Variants in DLG2 observed in about 807,000 individuals in gnomAD.
DLG2 encodes the protein discs large MAGUK scaffold protein 2.
DLG2 carries 45 observed loss-of-function variants against 132.5 expected under a neutral mutation model. The observed-to-expected ratio is 0.34, with a 90% confidence interval of 0.27 to 0.44. The LOEUF (loss-of-function observed/expected upper bound fraction) is 0.44, where lower values mean the gene tolerates loss of function less well. Among genes scored for constraint, DLG2 ranks in the 20% least tolerant of loss-of-function variants. The pLI, the probability that DLG2 is intolerant of heterozygous loss-of-function variation, is 1.00. For missense variants in DLG2, 1,045 were observed against 1,196.9 expected (o/e 0.87, Z 1.87); for synonymous variants, 424 against 419.6 (o/e 1.01, Z -0.13).
intron 6 of DLG2, among the ~76,000 whole-genome samples, chr11:84,714,526 C>CCTCTCTTTCTTTCTCTTTCTCTTT (rs1565747415): frequency 7.5e-6 from 1 of 133,692 alleles, no homozygotes; most frequent in African/African-American, 3.4e-5. Flanking sequence ...CAACCCATTT[C>CCTCTCTTTCTTTCTCTTTCTCTTT]CTCTTTCTCT....
intron 3 of DLG2, among the ~76,000 whole-genome samples, chr11:85,596,575 T>C (rs569822849): frequency 1.3e-5 from 2 of 152,124 alleles, no homozygotes; most frequent in Non-Finnish European, 2.9e-5. Flanking sequence ...AGGTACTATT[T>C]CAATGTGTTG....
intron 6 of DLG2, among the ~76,000 whole-genome samples, chr11:84,658,237 A>G (rs1290011526): frequency 6.6e-6 from 1 of 152,136 alleles, no homozygotes; most frequent in African/African-American, 2.4e-5. Flanking sequence ...GACCAGATAG[A>G]AGGATCGTGG....
At chr11:83,561,076 G>T (rs1020973441) in intron 19 of DLG2, among the ~76,000 whole-genome samples, 5 of 152,176 alleles carry the variant, frequency 3.3e-5, no homozygotes, top group African/African-American at 1.2e-4. Flanking sequence ...AGGCGTTGGG[G>T]AAGGTGCCAC....
At chr11:83,941,573 T>G (rs1195975188) in intron 14 of DLG2, among the ~76,000 whole-genome samples, 1 of 152,012 alleles carries the variant, frequency 6.6e-6, no homozygotes, top group Non-Finnish European at 1.5e-5. Flanking sequence ...TTTTTGTATT[T>G]TTAGTAGAGA....
intron 15 of DLG2, among the ~76,000 whole-genome samples, chr11:83,883,847 G>C (rs936665101): frequency 2.7e-5 from 4 of 149,312 alleles, no homozygotes; most frequent in Admixed American, 6.7e-5. Flanking sequence ...TCTTCACAAA[G>C]AAAATGAAAA....
chr11:85,285,108 T>C (rs2078474178), intron 4 of DLG2, 112 bp downstream of exon 4: 1 of 959,640 alleles, frequency 1.0e-6, no homozygotes, highest in Non-Finnish European at 1.5e-6. Context: ...ATAACTACAT[T>C]TCTATTATTG....
In DLG2 at chr11:84,802,391, A is replaced by C. The variant is rs551849787; in HGVS notation, c.358-267660T>G. ...CAGCAGCAGCAGCAGCAGCAGCAGCAGCAGCAAGAAACCTTTACTATCCCT... is the reference window on the plus strand; with the variant it reads ...CAGCAGCAGCAGCAGCAGCAGCAGCCGCAGCAAGAAACCTTTACTATCCCT... On this transcript the variant is annotated intron_variant, in intron 6 of 27. Coordinates refer to ENST00000376104, the MANE Select transcript of DLG2 (RefSeq NM_001142699.3). Among the ~76,000 whole-genome samples the C allele has an allele frequency of 8.6e-5, 13 of 151,936 alleles. 1 individual carries two copies. In the South Asian group the frequency reaches 2.5e-3, roughly 29 times the overall value.
intron 3 of DLG2, among the ~76,000 whole-genome samples, chr11:85,499,937 G>A (rs2093758207): frequency 6.6e-6 from 1 of 152,080 alleles, no homozygotes; most frequent in South Asian, 2.1e-4. Flanking sequence ...GGTATCAATG[G>A]AACATATCTC....
Position 83,543,860 on chromosome 11 carries a change from C to T in DLG2, c.1941-2002G>A, listed in dbSNP as rs191294526. 2.3e-3 allele frequency among the ~76,000 whole-genome samples: 356 copies of T among 152,232 alleles called. 2 individuals carry two copies. Among genetic ancestry groups the T allele is most frequent in the African/African-American group, 8.0e-3 (331 of 41,552 alleles). On this transcript the variant is annotated intron_variant, in intron 19 of 27. Transcript: ENST00000376104. ...CTGCTGTTCTTGCTTGTAAGGGTGG[C>T]CCTTGGCTGACATCTGGAAAGTTAG...
intron 3 of DLG2, among the ~76,000 whole-genome samples, chr11:85,330,804 A>G (rs1270546833): frequency 2.7e-5 from 4 of 150,242 alleles, no homozygotes; most frequent in Non-Finnish European, 4.5e-5. Context: ...AAAAAAAAAA[A>G]AAAAAAAAGA....
chr11:84,859,426 A>G (rs2083304265), intron 6 of DLG2, among the ~76,000 whole-genome samples: 1 of 145,426 alleles, frequency 6.9e-6, no homozygotes, highest in African/African-American at 2.5e-5. Context: ...GTATACATAT[A>G]CATATATATG....
intron 6 of DLG2, among the ~76,000 whole-genome samples, chr11:84,566,041 CT>C (rs1159111899): frequency 6.6e-6 from 1 of 150,562 alleles, no homozygotes; most frequent in African/African-American, 2.5e-5. Context: ...TCACTGCAAC[CT>C]CCGCCTCCTG....
At chr11:84,205,847 C>T (rs2096658783) in intron 8 of DLG2, among the ~76,000 whole-genome samples, 1 of 151,936 alleles carries the variant, frequency 6.6e-6, no homozygotes, top group Non-Finnish European at 1.5e-5. Context: ...GGACAGAAGT[C>T]AGTGAAATAG....
chr11:84,196,197 C>A (rs996882284), intron 8 of DLG2, among the ~76,000 whole-genome samples: 1 of 152,092 alleles, frequency 6.6e-6, no homozygotes, highest in Non-Finnish European at 1.5e-5. Flanking sequence ...AAATAAGTGT[C>A]GAGTTACTTT....
intron 14 of DLG2, among the ~76,000 whole-genome samples, chr11:83,943,677 AG>A (rs143600416): frequency 0.044 from 6,734 of 152,332 alleles, 423 homozygotes; most frequent in African/African-American, 0.14. Context: ...GCCATTTTAT[AG>A]AAAAGATGAC....
intron 3 of DLG2, among the ~76,000 whole-genome samples, chr11:85,416,506 G>C (rs1287754584): frequency 1.3e-5 from 2 of 152,136 alleles, no homozygotes; most frequent in African/African-American, 4.8e-5. Flanking sequence ...GATGGGGATA[G>C]CATTGAATCT....
At chr11:83,588,863 T>C (rs1283717571) in intron 19 of DLG2, among the ~76,000 whole-genome samples, 3 of 152,174 alleles carry the variant, frequency 2.0e-5, no homozygotes, top group Non-Finnish European at 4.4e-5. Flanking sequence ...CAGGAGCCGA[T>C]GCGATCAACT....
chr11:83,726,848 C>T (rs2090103923), intron 18 of DLG2, among the ~76,000 whole-genome samples: 1 of 152,150 alleles, frequency 6.6e-6, no homozygotes, highest in Admixed American at 6.5e-5. Context: ...TGATAGCATG[C>T]CCCTTTTGGC....
At chr11:84,213,428 C>T (rs567773627) in intron 8 of DLG2, among the ~76,000 whole-genome samples, 1 of 152,256 alleles carries the variant, frequency 6.6e-6, no homozygotes, top group East Asian at 1.9e-4. Context: ...AGGTAAGCTA[C>T]TCAAGGTATG....
Sources: gnomAD v4.1 joint callset for allele counts (sites outside exome capture counted in the v4.1 genomes callset) on GRCh38, gnomAD v4.1.1 for gene constraint, MANE v1.5 for transcripts, NCBI Gene and HGNC (gene_info 2026-07-23, HGNC 2026-07-21) for gene names.